The following GOLGA8A variants were observed in gnomAD, a reference collection of about 807,000 sequenced individuals.
The protein encoded by GOLGA8A is golgin A8 family member A.
In GOLGA8A, 3 loss-of-function variants were observed where a neutral mutation model predicts 22.1. The ratio of observed to expected loss-of-function variants is 0.14; its 90% CI spans 0.06 to 0.35. The LOEUF is 0.35. Ranked by LOEUF, GOLGA8A falls within the 10% of genes least tolerant of loss-of-function variation. GOLGA8A has a pLI of 1.00. For synonymous variants in GOLGA8A, 7 were observed against 91.7 expected (o/e 0.08, Z 5.28); for missense variants, 16 against 233.2 (o/e 0.07, Z 6.07).
Position 34,423,255 on chromosome 15 carries a change from A to G in GOLGA8A, c.-1123+12128T>C, listed in dbSNP as rs1295365754. 3.3e-4 allele frequency among the ~76,000 whole-genome samples: 42 copies of G among 126,178 alleles called. 7 individuals are homozygous for G. The highest frequency in any genetic ancestry group is 4.5e-4 in the Non-Finnish European group (26 of 57,724). The allele number at this position is 126,178 out of a possible 152,430, so 82.8% of individuals were successfully genotyped here. A position where few individuals can be genotyped will look rare whatever the true frequency, so the allele number is the denominator to read the frequency against. On this transcript the variant is annotated intron_variant, in intron 2 of 24. Coordinates refer to ENST00000359187, the MANE Select transcript of GOLGA8A (RefSeq NM_181077.5). ...CCACCACAGGGCAACATGGGGCCAC[A>G]TCACGCCACCCTGCAGCTCCTGTTG...
At chr15:34,427,109 G>T (rs1334223457) in intron 2 of GOLGA8A, among the ~76,000 whole-genome samples, 1 of 147,734 alleles carries the variant, frequency 6.8e-6, no homozygotes, top group Non-Finnish European at 1.5e-5. Flanking sequence ...GAAGCAGGCA[G>T]ATCACGAGAT....
rs575332017 is a variant in GOLGA8A at position 34,426,151 on chromosome 15, G to A, written c.-1123+9232C>T. 3.2e-4 allele frequency among the ~76,000 whole-genome samples: 48 copies of A among 149,246 alleles called. 2 individuals carry two copies. Among genetic ancestry groups the A allele is most frequent in the Non-Finnish European group, 4.2e-4 (28 of 67,142 alleles). ...ATGCAGATGCAAGGGTTTAATGTAC[G>A]AGACTCCACCTGTCAGCATTCTCCG... On this transcript the variant is annotated intron_variant, in intron 2 of 24. Coordinates refer to ENST00000359187, the MANE Select transcript of GOLGA8A (RefSeq NM_181077.5).
chr15:34,432,002 T>TA lies in GOLGA8A; in HGVS notation c.-1123+3380dup, dbSNP rs1263231129. Among the ~76,000 whole-genome samples the TA allele has an allele frequency of 3.4e-5, 5 of 149,224 alleles. No homozygotes were observed. In the Admixed American group the frequency reaches 3.4e-4, roughly 10 times the overall value. On this transcript the variant is annotated intron_variant, in intron 2 of 24. Transcript: ENST00000359187. ...ATGTCAATAGTGTTCTCCGACTCAC[T>TA]ATTTACTAATAAGAGTTTCCTCAGA...
At position 34,435,773 on chromosome 15, in the gene GOLGA8A, A is replaced by G. The variant is rs561415594; in HGVS notation, c.-1211-302T>C. Among the ~76,000 whole-genome samples the G allele has an allele frequency of 1.3e-5, 2 of 149,118 alleles. 1 individual carries two copies. Among genetic ancestry groups the G allele is most frequent in the South Asian group, 4.3e-4 (2 of 4,616 alleles). ...GACTTCGTGCCCCATTGCTACTGCC[A>G]TCACCCAGTCCCAGCCCAGAGAGGG... On this transcript the variant is annotated intron_variant, in intron 1 of 24. Coordinates refer to ENST00000359187, the MANE Select transcript of GOLGA8A (RefSeq NM_181077.5).
At chr15:34,418,992 C>T (rs1040307272) in intron 2 of GOLGA8A, 2 of 142,352 alleles carry the variant, frequency 1.4e-5, no homozygotes, top group African/African-American at 5.2e-5. Context: ...GCAACCTCCG[C>T]CTCCCAGGTT....
At chr15:34,422,721 T>TCACTCG (rs1892833267) in intron 2 of GOLGA8A, among the ~76,000 whole-genome samples, 1 of 90,382 alleles carries the variant, frequency 1.1e-5, no homozygotes, top group African/African-American at 3.0e-5. Context: ...TTGTGCGCTC[T>TCACTCG]CTCTCGCTCT....
At chr15:34,436,891 G>C (rs912036105) in intron 1 of GOLGA8A, among the ~76,000 whole-genome samples, 1 of 149,764 alleles carries the variant, frequency 6.7e-6, no homozygotes, top group Non-Finnish European at 1.5e-5. Flanking sequence ...TTATTATACA[G>C]GGAAAGGGAA....
chr15:34,430,802 C>T (rs117054426), intron 2 of GOLGA8A, among the ~76,000 whole-genome samples: 13,222 of 149,368 alleles, frequency 0.089, 1,049 homozygotes, highest in South Asian at 0.24. Flanking sequence ...ACGTGCCCTT[C>T]TCGGGATGAG....
chr15:34,380,190 A>G lies in GOLGA8A; in HGVS notation c.*1221T>C, dbSNP rs570592430. 7.9e-5 allele frequency: 12 copies of G among 152,244 alleles called. No individual in the cohort carries two copies. The highest frequency in any genetic ancestry group is 1.6e-4 in the Non-Finnish European group (11 of 68,032). The allele number at this position is 152,244 out of a possible 1,614,324, so 9.4% of individuals were successfully genotyped here. A position where few individuals can be genotyped will look rare whatever the true frequency, so the allele number is the denominator to read the frequency against. ...GTTTTCCACTCAAGGAAAAGAAGTAAATTCCTATGTCAGAGTAACCGAGGT... is the reference window on the plus strand; with the variant it reads ...GTTTTCCACTCAAGGAAAAGAAGTAGATTCCTATGTCAGAGTAACCGAGGT... On this transcript the variant is annotated 3_prime_UTR_variant, in exon 25 of 25. Transcript: ENST00000359187.
chr15:34,433,685 C>T (rs1483478506), intron 2 of GOLGA8A, among the ~76,000 whole-genome samples: 2 of 149,410 alleles, frequency 1.3e-5, no homozygotes, highest in Non-Finnish European at 1.5e-5. Context: ...TCCCGTGTTT[C>T]ATTCACTCAC....
At chr15:34,433,944 G>A (rs77118239) in intron 2 of GOLGA8A, among the ~76,000 whole-genome samples, 6 of 149,514 alleles carry the variant, frequency 4.0e-5, no homozygotes, top group Non-Finnish European at 7.4e-5. Flanking sequence ...GGGCCGGCCA[G>A]GTGGGCATCT....
chr15:34,437,054 C>A (rs1425580298), intron 1 of GOLGA8A, among the ~76,000 whole-genome samples: 5 of 148,784 alleles, frequency 3.4e-5, no homozygotes, highest in African/African-American at 1.2e-4. Context: ...GAGACGCGAG[C>A]GGGCGGCCCC....
At chr15:34,419,983 G>C (rs1595659801) in intron 2 of GOLGA8A, 2 of 133,382 alleles carry the variant, frequency 1.5e-5, no homozygotes, top group Admixed American at 1.4e-4. Flanking sequence ...AGCGGACACA[G>C]AGTTTCAGAT....
chr15:34,431,486 T>C (rs971662624), intron 2 of GOLGA8A, among the ~76,000 whole-genome samples: 2 of 147,752 alleles, frequency 1.4e-5, no homozygotes, highest in African/African-American at 5.0e-5. Context: ...TGTGAGAACA[T>C]CATAGAACAT....
chr15:34,426,604 A>C (rs2554787), intron 2 of GOLGA8A, among the ~76,000 whole-genome samples: 2 of 139,068 alleles, frequency 1.4e-5, no homozygotes, highest in African/African-American at 5.2e-5. Context: ...CTCAAGATCT[A>C]TGTTATATAG....
intron 2 of GOLGA8A, among the ~76,000 whole-genome samples, chr15:34,428,450 A>G (rs2140284396): frequency 6.7e-6 from 1 of 148,684 alleles, no homozygotes; most frequent in Admixed American, 6.8e-5. Flanking sequence ...GTTACAGCGC[A>G]TGGAAGTAAC....
chr15:34,386,090 T>C (rs1239153244), intron 12 of GOLGA8A, among the ~76,000 whole-genome samples: 2 of 147,088 alleles, frequency 1.4e-5, no homozygotes, highest in South Asian at 4.2e-4. Flanking sequence ...GTTCATTCAA[T>C]AGACATTTAC....
chr15:34,386,348 C>CCA (rs1284357352), intron 12 of GOLGA8A, among the ~76,000 whole-genome samples: 1 of 138,330 alleles, frequency 7.2e-6, no homozygotes, highest in Non-Finnish European at 1.5e-5. Flanking sequence ...CCCCTGACAA[C>CCA]CAGTCAGGCC....
intron 2 of GOLGA8A, among the ~76,000 whole-genome samples, chr15:34,425,156 T>C: frequency 7.0e-6 from 1 of 143,430 alleles, no homozygotes. Context: ...TGGCGGAGAA[T>C]GAAAAAAGAA....
Sources: allele counts gnomAD v4.1 joint callset (sites outside exome capture counted in the v4.1 genomes callset), GRCh38; gene constraint gnomAD v4.1.1; transcripts MANE v1.5; gene names NCBI Gene and HGNC (gene_info 2026-07-23, HGNC 2026-07-21).